RPS6KA2: variants seen among roughly 807,000 people sequenced by gnomAD.
The protein encoded by RPS6KA2 is ribosomal protein S6 kinase A2, also known as ribosomal protein S6 kinase alpha-2.
Under a neutral mutation model 91.8 loss-of-function variants are expected in RPS6KA2, and 42 were observed. The ratio of observed to expected loss-of-function variants is 0.46; its 90% CI spans 0.36 to 0.59. The LOEUF is 0.59. Ranked by LOEUF, RPS6KA2 falls within the 20% of genes least tolerant of loss-of-function variation. RPS6KA2 has a pLI of 0.00. For missense variants in RPS6KA2, 798 were observed against 978.5 expected, an observed-to-expected ratio of 0.82 and a Z score of 2.46; for synonymous variants, 414 against 393.6, an observed-to-expected ratio of 1.05 and a Z score of -0.61.
chr6:166,491,656 G>A (rs3817783), intron 8 of RPS6KA2, among the ~76,000 whole-genome samples: 42,783 of 151,930 alleles, frequency 0.28, 6,808 homozygotes, highest in East Asian at 0.55. Flanking sequence ...TTTATTTTTT[G>A]CTGCGTGTGT....
chr6:166,517,600 C>T (rs1049480785), intron 3 of RPS6KA2, among the ~76,000 whole-genome samples: 20 of 151,340 alleles, frequency 1.3e-4, no homozygotes, highest in Non-Finnish European at 2.1e-4. Flanking sequence ...CTCAGCCTCC[C>T]GAGTAGCTGG....
intron 2 of RPS6KA2, among the ~76,000 whole-genome samples, chr6:166,834,780 T>C (rs1329727451): frequency 1.3e-5 from 2 of 152,180 alleles, no homozygotes; most frequent in Admixed American, 1.3e-4. Context: ...TTTGGATTTT[T>C]CTGACAGTGT....
chr6:166,632,244 G>A (rs1456338208), upstream of RPS6KA2, among the ~76,000 whole-genome samples: 1 of 152,194 alleles, frequency 6.6e-6, no homozygotes, highest in Non-Finnish European at 1.5e-5. Context: ...GATGATGGGT[G>A]TGTTCATTAG....
chr6:166,845,151 C>T (rs1330081907), intron 2 of RPS6KA2, among the ~76,000 whole-genome samples: 15 of 152,148 alleles, frequency 9.9e-5, no homozygotes, highest in Admixed American at 9.8e-4. Flanking sequence ...AGTAGTTCAA[C>T]AGGAAAATAT....
chr6:166,862,405 C>T (rs1781068896), exon 1 of RPS6KA2: 6 of 1,377,178 alleles, frequency 4.4e-6, no homozygotes, highest in Non-Finnish European at 9.4e-7. Context: ...GCTCGGGCGC[C>T]GTCCCCTCCC....
At chr6:166,828,998 A>G (rs573537391) in intron 2 of RPS6KA2, among the ~76,000 whole-genome samples, 56 of 152,320 alleles carry the variant, frequency 3.7e-4, no homozygotes, top group African/African-American at 1.3e-3. Context: ...ACAATAAAAA[A>G]CCAAATAACC....
chr6:166,479,911 A>G (rs932701094), intron 10 of RPS6KA2, among the ~76,000 whole-genome samples: 2 of 152,054 alleles, frequency 1.3e-5, no homozygotes, highest in Admixed American at 1.3e-4. Context: ...TTTTTAACTT[A>G]CACATCCTTC....
At chr6:166,670,003 A>T (rs1253988412) in intron 2 of RPS6KA2, among the ~76,000 whole-genome samples, 1 of 152,222 alleles carries the variant, frequency 6.6e-6, no homozygotes, top group Non-Finnish European at 1.5e-5. Context: ...CAGGTTCAGA[A>T]CTGCAGCCTT....
chr6:166,684,920 A>G (rs1165603348), intron 2 of RPS6KA2, among the ~76,000 whole-genome samples: 1 of 152,246 alleles, frequency 6.6e-6, no homozygotes, highest in Non-Finnish European at 1.5e-5. Flanking sequence ...AACAAGAAAC[A>G]TTGTGCCAGA....
At position 166,648,375 on chromosome 6, in the gene RPS6KA2, A is replaced by G. The variant is rs1787740427; in HGVS notation, c.124-109591T>C. ...CCCTGATTTTTATGCTGTTTTTCTGAGGGCCTGGAGAACATTGTGCACGCC... is the reference window on the plus strand; with the variant it reads ...CCCTGATTTTTATGCTGTTTTTCTGGGGGCCTGGAGAACATTGTGCACGCC... On this transcript the variant is annotated intron_variant, in intron 2 of 21. Transcript: ENST00000503859. This position sits in a 1 kb window ranked among gnomAD's most constrained non-coding sequence, Gnocchi z 4.8. 6.6e-6 allele frequency among the ~76,000 whole-genome samples: 1 copy of G among 152,176 alleles called. No homozygotes were observed. The highest frequency in any genetic ancestry group is 2.4e-5 in the African/African-American group (1 of 41,426).
upstream of RPS6KA2, chr6:166,628,076 AAACGTC>A (rs2128544451): frequency 6.6e-6 from 1 of 152,350 alleles, no homozygotes; most frequent in African/African-American, 2.4e-5. Context: ...CCGCTCTAGG[AAACGTC>A]TACACAGATG....
chr6:166,861,147 TCTCATTC>T (rs1301851733), intron 1 of RPS6KA2, among the ~76,000 whole-genome samples: 2 of 152,218 alleles, frequency 1.3e-5, no homozygotes, highest in African/African-American at 4.8e-5. Flanking sequence ...AAACAGAATC[TCTCATTC>T]AGTTCAAAGG....
chr6:166,488,067 TTCTA>T (rs3839533), intron 10 of RPS6KA2, among the ~76,000 whole-genome samples: 37,193 of 151,854 alleles, frequency 0.24, 5,165 homozygotes, highest in East Asian at 0.5. Flanking sequence ...CTGGTATGTC[TTCTA>T]TCTATGAGGT....
intron 8 of RPS6KA2, among the ~76,000 whole-genome samples, chr6:166,491,311 C>A (rs1781579410): frequency 6.6e-6 from 1 of 152,174 alleles, no homozygotes; most frequent in Non-Finnish European, 1.5e-5. Flanking sequence ...TTACTGGACA[C>A]CTGCCAGGAC....
intron 2 of RPS6KA2, among the ~76,000 whole-genome samples, chr6:166,684,340 C>G (rs1260309967): frequency 6.6e-6 from 1 of 152,204 alleles, no homozygotes; most frequent in Non-Finnish European, 1.5e-5. Flanking sequence ...TAAACTGCCC[C>G]TTAATCTACA....
chr6:166,806,462 G>A (rs543581857), intron 2 of RPS6KA2, among the ~76,000 whole-genome samples: 9 of 152,244 alleles, frequency 5.9e-5, no homozygotes, highest in Admixed American at 2.6e-4. Flanking sequence ...AGAAGGCAGC[G>A]AGTTAATATA....
chr6:166,456,001 T>A (rs1481108203), intron 12 of RPS6KA2, among the ~76,000 whole-genome samples: 1 of 152,200 alleles, frequency 6.6e-6, no homozygotes, highest in Non-Finnish European at 1.5e-5. Context: ...ATTTACAGCC[T>A]GTGGAGGAGT....
In RPS6KA2 at chr6:166,495,565, G is replaced by T. The variant is rs1004427314; in HGVS notation, c.747+2943C>A. Among the ~76,000 whole-genome samples, 20 of 152,152 alleles carry T rather than the reference G, an allele frequency of 1.3e-4. 1 individual carries two copies. The highest frequency in any genetic ancestry group is 1.2e-3 in the Admixed American group (19 of 15,272). On this transcript the variant is annotated intron_variant, in intron 8 of 20. Coordinates refer to ENST00000265678, the MANE Select transcript of RPS6KA2 (RefSeq NM_021135.6). This position sits in a 1 kb window ranked among gnomAD's most constrained non-coding sequence, Gnocchi z 4.4. ...ATGGGTGAAGGCTGCCGGGCACTGG[G>T]TCTGGGTGTGAGTGCCTCTCTGCTT...
chr6:166,601,892 A>C (rs955829590), intron 1 of RPS6KA2, among the ~76,000 whole-genome samples: 1 of 152,274 alleles, frequency 6.6e-6, no homozygotes, highest in African/African-American at 2.4e-5. Flanking sequence ...GAATCAATTC[A>C]GCTGCATAAA....
Sources: gnomAD v4.1 joint callset for allele counts (sites outside exome capture counted in the v4.1 genomes callset) on GRCh38, gnomAD v4.1.1 for gene constraint, Gnocchi (gnomAD v3.1) non-coding constraint, MANE v1.5 for transcripts, NCBI Gene and HGNC (gene_info 2026-07-23, HGNC 2026-07-21) for gene names.